SASH1: variants seen among roughly 807,000 people sequenced by gnomAD.
The protein encoded by SASH1 is SAM and SH3 domain containing 1.
A neutral mutation model predicts 125.2 loss-of-function variants in SASH1; 44 were observed. That is an observed-to-expected ratio of 0.35 (90% CI 0.28 to 0.45). The LOEUF (loss-of-function observed/expected upper bound fraction) is 0.45, where lower values mean the gene tolerates loss of function less well. Among genes scored for constraint, SASH1 ranks in the 20% least tolerant of loss-of-function variants. The pLI is 1.00. For synonymous variants in SASH1, 639 were observed against 649.1 expected, an observed-to-expected ratio of 0.98 and a Z score of 0.24; for missense variants, 1,426 against 1,614.5, an observed-to-expected ratio of 0.88 and a Z score of 2.00.
chr6:148,248,002 C>T, the SASH1 span, among the ~76,000 whole-genome samples: 1 of 152,172 alleles, frequency 6.6e-6, no homozygotes, highest in South Asian at 2.1e-4. Context: ...TTATGATGTA[C>T]TGCATTATGT....
At position 148,519,531 on chromosome 6, in the gene SASH1, G is replaced by T. The variant is rs563124504; in HGVS notation, c.863-16G>T. The T allele has an allele frequency of 6.2e-7, 1 of 1,600,312 alleles. No individual in the cohort carries two copies. Among genetic ancestry groups the T allele is most frequent in the South Asian group, 1.1e-5 (1 of 90,490 alleles). On this transcript the variant is annotated splice_polypyrimidine_tract_variant and intron_variant, in intron 9 of 19. Coordinates refer to ENST00000367467, the MANE Select transcript of SASH1 (RefSeq NM_015278.5). The surrounding 1 kb of genome is among the most constrained non-coding windows in gnomAD (Gnocchi z 4.8). ...CAAAGGTGTGTTCACAAGAGACTCT[G>T]TTGGTTTCCCTCCAGGTGGGGAGGA...
At chr6:148,455,033 G>T (rs1446729736) in intron 4 of SASH1, among the ~76,000 whole-genome samples, 1 of 152,186 alleles carries the variant, frequency 6.6e-6, no homozygotes, top group Non-Finnish European at 1.5e-5. Flanking sequence ...CACCTCACTT[G>T]CAGTATTGCT....
rs56342457 is a variant in SASH1, at chr6:148,411,166, C to CAAAAAAAAAA, written c.285+20925_285+20934dup. On this transcript the variant is annotated intron_variant, in intron 2 of 19. Transcript: ENST00000367467. The stretch of plus-strand genomic sequence containing the variant: ...TACAACAAGAGCGAAACTCCATCTC[C>CAAAAAAAAAA]AAAAAAAAAAAAAAAAAAAAAAAAA... Among the ~76,000 whole-genome samples the CAAAAAAAAAA allele has an allele frequency of 5.1e-3, 234 of 46,180 alleles. 8 individuals are homozygous for CAAAAAAAAAA. Among genetic ancestry groups the CAAAAAAAAAA allele is most frequent in the South Asian group, 0.015 (9 of 606 alleles). 30.3% of individuals were successfully genotyped at this position (46,180 alleles called of 152,430 possible).
chr6:148,305,623 C>CAAAAAAAAAAAAAAAAAAAAAAA (rs59521298), intron 1 of SASH1, among the ~76,000 whole-genome samples: 2 of 104,362 alleles, frequency 1.9e-5, no homozygotes, highest in African/African-American at 7.7e-5. Context: ...GACTCTGACT[C>CAAAAAAAAAAAAAAAAAAAAAAA]AAAAAAAAAA....
At chr6:148,299,523 C>T (rs933580547) in intron 1 of SASH1, among the ~76,000 whole-genome samples, 1 of 151,690 alleles carries the variant, frequency 6.6e-6, no homozygotes, top group East Asian at 1.9e-4. Context: ...AAAAATTAGC[C>T]GGGCATAGTG....
chr6:148,487,092 TAC>T (rs1186673454), intron 7 of SASH1, among the ~76,000 whole-genome samples: 2,140 of 118,684 alleles, frequency 0.018, 76 homozygotes, highest in African/African-American at 0.058. Context: ...CACATATATA[TAC>T]ACACACACAC....
At chr6:148,253,044 G>A in the SASH1 span, among the ~76,000 whole-genome samples, 1 of 152,200 alleles carries the variant, frequency 6.6e-6, no homozygotes, top group African/African-American at 2.4e-5. Flanking sequence ...TGCTCAGCCT[G>A]CAGATAGACT....
At chr6:148,482,706 T>TTTTTTTTTTTTA (rs1778681819) in intron 7 of SASH1, among the ~76,000 whole-genome samples, 7 of 144,306 alleles carry the variant, frequency 4.9e-5, no homozygotes, top group Non-Finnish European at 7.5e-5. Flanking sequence ...TTTTTTTTTT[T>TTTTTTTTTTTTA]GAGAGAGAGT....
intron 2 of SASH1, among the ~76,000 whole-genome samples, chr6:148,425,198 T>G (rs1775762585): frequency 1.3e-5 from 2 of 152,154 alleles, no homozygotes; most frequent in Non-Finnish European, 2.9e-5. Context: ...CAAGCTAGCT[T>G]CAGGATGAAC....
At chr6:148,221,453 C>G in the SASH1 span, among the ~76,000 whole-genome samples, 1 of 152,328 alleles carries the variant, frequency 6.6e-6, no homozygotes, top group South Asian at 2.1e-4. Context: ...ACGTAACAGA[C>G]TGAGACTACA....
At chr6:148,525,209 C>T (rs758144472) in intron 10 of SASH1, 82 bp from the exon 11 acceptor site, 6 of 933,450 alleles carry the variant, frequency 6.4e-6, no homozygotes, top group Non-Finnish European at 8.9e-6. Flanking sequence ...AGATGTCCTG[C>T]AAACGGGGAC....
intron 1 of SASH1, among the ~76,000 whole-genome samples, chr6:148,302,794 A>G (rs201045139): frequency 7.2e-6 from 1 of 138,544 alleles, no homozygotes; most frequent in Non-Finnish European, 1.6e-5. Context: ...GTGTGTGTGT[A>G]TATATTCGAA....
chr6:148,480,643 T>C (rs1778577814), intron 7 of SASH1: 1 of 153,250 alleles, frequency 6.5e-6, no homozygotes. Context: ...TTTGGTCCAC[T>C]CTGTTTCATT....
rs747532015 is a variant in SASH1 at position 148,390,285 on chromosome 6, T to A, written c.285+23T>A. The A allele has an allele frequency of 3.1e-6, 5 of 1,606,758 alleles. No individual in the cohort carries two copies. The East Asian group carries it at 8.9e-5, about 29-fold the overall frequency. On this transcript the variant is annotated intron_variant, in intron 2 of 19. Coordinates refer to ENST00000367467, the MANE Select transcript of SASH1 (RefSeq NM_015278.5). ...GTGGTGAGTGGGGGTCCTGGGAATA[T>A]GCTTCTGTGAGCAGAGCTGCTCCAA...
At chr6:148,199,776 A>G in the SASH1 span, among the ~76,000 whole-genome samples, 7 of 151,444 alleles carry the variant, frequency 4.6e-5, no homozygotes, top group Admixed American at 4.0e-4. Flanking sequence ...AGAAAAAGAA[A>G]GGAAGGAAGG....
At position 148,531,566 on chromosome 6, in the gene SASH1, C is replaced by T; in HGVS notation, c.1469C>T (p.Ser490Leu). The change falls in exon 13 of 20, where the codon TCA (serine) becomes TTA (leucine). Residue 490 changes from serine (S) to leucine (L), a missense_variant. Ser to Leu is a moderately radical substitution (Grantham distance 145, BLOSUM62 -2). Around this residue, in one of 3 missense-constraint regions of SASH1, gnomAD observed 225 missense variants for 344.5 expected, o/e 0.65. Transcript: ENST00000367467. ...GGAATGCCTGGCTCCCCTCCGCCTT[C>T]ACAGCCCGACCCCGAACACTTGGAC... ...LDGMPGSPPP[S>L]QPDPEHLDKP... 6.4e-7 allele frequency: 1 copy of T among 1,561,294 alleles called. No homozygotes were observed. The highest frequency in any genetic ancestry group is 2.4e-5 in the East Asian group (1 of 41,052).
chr6:148,355,858 A>G (rs1366632918), intron 1 of SASH1, among the ~76,000 whole-genome samples: 2 of 151,962 alleles, frequency 1.3e-5, no homozygotes, highest in African/African-American at 2.4e-5. Flanking sequence ...ATTTTATTTT[A>G]TTTTTGAATA....
chr6:148,196,817 G>C, the SASH1 span, among the ~76,000 whole-genome samples: 7 of 152,230 alleles, frequency 4.6e-5, no homozygotes, highest in Non-Finnish European at 7.3e-5. Flanking sequence ...AGTCAGGGAA[G>C]TCTGTGAGGC....
At chr6:148,454,903 C>T (rs939707121) in intron 4 of SASH1, among the ~76,000 whole-genome samples, 1 of 152,210 alleles carries the variant, frequency 6.6e-6, no homozygotes, top group Non-Finnish European at 1.5e-5. Context: ...GTGGTCAAGA[C>T]AACGCAGTCC....
Sources: gnomAD v4.1 joint callset for allele counts (sites outside exome capture counted in the v4.1 genomes callset) on GRCh38, gnomAD v4.1.1 for gene constraint, gnomAD v4.1.1 regional missense constraint, Gnocchi (gnomAD v3.1) non-coding constraint, MANE v1.5 for transcripts, NCBI Gene and HGNC (gene_info 2026-07-23, HGNC 2026-07-21) for gene names.